The following DPH6 variants were observed in gnomAD, a reference collection of about 807,000 sequenced individuals.
DPH6 encodes diphthamine biosynthesis 6.
Under a neutral mutation model 38.2 loss-of-function variants are expected in DPH6, and 33 were observed. The observed-to-expected ratio is 0.86, with a 90% CI of 0.65 to 1.15. DPH6 has a LOEUF of 1.15. Ranked by LOEUF, DPH6 falls within the 50% of genes most tolerant of loss-of-function variation. DPH6 has a pLI of 0.00. For synonymous variants in DPH6, 108 were observed against 103.0 expected (o/e 1.05, Z -0.30); for missense variants, 325 against 320.0 (o/e 1.02, Z -0.12).
At chr15:35,434,645 T>C (rs2053673701) in intron 5 of DPH6, among the ~76,000 whole-genome samples, 1 of 152,142 alleles carries the variant, frequency 6.6e-6, no homozygotes, top group African/African-American at 2.4e-5. Context: ...GGCAACAATG[T>C]ATCAGGCAAA....
At chr15:35,154,213 G>C in the DPH6 span, among the ~76,000 whole-genome samples, 1 of 152,148 alleles carries the variant, frequency 6.6e-6, no homozygotes, top group Non-Finnish European at 1.5e-5. Context: ...AATGCATGCG[G>C]TGATGATGGA....
intron 6 of DPH6, among the ~76,000 whole-genome samples, chr15:35,409,147 A>C (rs927814683): frequency 1.3e-5 from 2 of 151,806 alleles, no homozygotes; most frequent in Non-Finnish European, 2.9e-5. Flanking sequence ...TACAGTAAGC[A>C]AGGATAGGTG....
At chr15:35,475,630 A>G (rs1266919137) in intron 3 of DPH6, among the ~76,000 whole-genome samples, 1 of 151,902 alleles carries the variant, frequency 6.6e-6, no homozygotes, top group Non-Finnish European at 1.5e-5. Flanking sequence ...TGTTGTTGCT[A>G]AAGAAATTGA....
intron 3 of DPH6, chr15:35,282,540 G>C (rs2051906093): frequency 4.2e-6 from 1 of 235,830 alleles, no homozygotes; most frequent in African/African-American, 2.3e-5. Context: ...TTGTCATGCT[G>C]CCACTGCCAC....
rs1330978896 is a variant in DPH6, at chr15:35,285,543, T to G, written n.201-64961A>C. Among the ~76,000 whole-genome samples the G allele has an allele frequency of 5.3e-5, 8 of 152,336 alleles. No individual in the cohort carries two copies. The East Asian group carries it at 1.3e-3, about 26-fold the overall frequency. On this transcript the variant is annotated intron_variant and non_coding_transcript_variant, in intron 3 of 3. Coordinates refer to the DPH6 transcript ENST00000560386. ...ATTGTGAGGCCTCCCCAGTTATGTG[T>G]AACTGTAAGTAAATTAGTTTCTTTC... is the stretch of plus-strand genomic sequence containing the variant.
At chr15:35,546,063 T>TGGAAGGGACGAGAGCCTGGCCTAGGA in intron 1 of DPH6, 56 bp downstream of exon 1, 1 of 1,315,122 alleles carries the variant, frequency 7.6e-7, no homozygotes. Context: ...TAGCGGCGGC[T>TGGAAGGGACGAGAGCCTGGCCTAGGA]GGAAGGGACG....
At chr15:35,411,708 TA>T (rs1481265321) in intron 5 of DPH6, among the ~76,000 whole-genome samples, 37 of 151,746 alleles carry the variant, frequency 2.4e-4, no homozygotes, top group African/African-American at 7.7e-4. Flanking sequence ...TATTTACATA[TA>T]TTGGCATAGT....
chr15:35,246,670 G>C (rs2051639755), intron 3 of DPH6, among the ~76,000 whole-genome samples: 1 of 152,190 alleles, frequency 6.6e-6, no homozygotes, highest in Middle Eastern at 3.4e-3. Flanking sequence ...CAGGGATTTG[G>C]CTTTAAAACT....
intron 3 of DPH6, among the ~76,000 whole-genome samples, chr15:35,479,817 T>C (rs1217508266): frequency 6.6e-6 from 1 of 152,050 alleles, no homozygotes. Context: ...ATTATTTAAA[T>C]AAAAAGCACG....
chr15:35,463,351 T>G (rs2054088467), intron 3 of DPH6, among the ~76,000 whole-genome samples: 1 of 139,110 alleles, frequency 7.2e-6, no homozygotes, highest in South Asian at 2.5e-4. Context: ...ATGCAGTCTA[T>G]AAAAATAATT....
intron 3 of DPH6, among the ~76,000 whole-genome samples, chr15:35,226,287 C>CT (rs1327539318): frequency 1.3e-5 from 2 of 152,072 alleles, no homozygotes; most frequent in Non-Finnish European, 2.9e-5. Context: ...AATACTTTGT[C>CT]TCTGTATAGT....
At chr15:35,487,834 A>G (rs2054425478) in intron 3 of DPH6, among the ~76,000 whole-genome samples, 1 of 152,054 alleles carries the variant, frequency 6.6e-6, no homozygotes, top group African/African-American at 2.4e-5. Flanking sequence ...CAACCTTTAC[A>G]CTCCGCTTCC....
At chr15:35,386,765 C>A (rs1300674118) in intron 6 of DPH6, among the ~76,000 whole-genome samples, 1 of 151,878 alleles carries the variant, frequency 6.6e-6, no homozygotes, top group Non-Finnish European at 1.5e-5. Context: ...GAGTAGGTTG[C>A]AAAAATTTTC....
At chr15:35,436,493 AC>A (rs1175411050) in intron 5 of DPH6, among the ~76,000 whole-genome samples, 374 of 36,456 alleles carry the variant, frequency 0.01, 19 homozygotes, top group African/African-American at 0.031. Context: ...ACAAAACAAA[AC>A]AAAACAAAAC....
chr15:35,539,636 T>C (rs753574086), intron 2 of DPH6, among the ~76,000 whole-genome samples: 1 of 152,024 alleles, frequency 6.6e-6, no homozygotes, highest in Non-Finnish European at 1.5e-5. Context: ...TAATATTTAA[T>C]GACATGGAAA....
chr15:35,467,539 C>A (rs927123239), intron 3 of DPH6, among the ~76,000 whole-genome samples: 1 of 152,182 alleles, frequency 6.6e-6, no homozygotes, highest in African/African-American at 2.4e-5. Context: ...GCACTCCAGC[C>A]TTGGCAACAG....
intron 5 of DPH6, 74 bp from the exon 6 acceptor site, chr15:35,410,970 G>A: frequency 1.5e-6 from 2 of 1,325,130 alleles, no homozygotes; most frequent in Non-Finnish European, 2.1e-6. Context: ...CCTTCCCTTG[G>A]CCCCTCCTCA....
intron 3 of DPH6, among the ~76,000 whole-genome samples, chr15:35,498,637 T>C (rs1161979603): frequency 6.6e-6 from 1 of 152,160 alleles, no homozygotes; most frequent in Non-Finnish European, 1.5e-5. Context: ...TAATCCTTAC[T>C]GATTCAAATA....
chr15:35,212,498 G>A (rs1411482601), downstream of DPH6, among the ~76,000 whole-genome samples: 2 of 152,072 alleles, frequency 1.3e-5, no homozygotes, highest in Admixed American at 6.6e-5. Flanking sequence ...GTGATACAAA[G>A]GGCAGGGGAA....
Sources: gnomAD v4.1 joint callset for allele counts (sites outside exome capture counted in the v4.1 genomes callset) on GRCh38, gnomAD v4.1.1 for gene constraint, MANE v1.5 for transcripts, NCBI Gene and HGNC (gene_info 2026-07-23, HGNC 2026-07-21) for gene names.